The following PTPRK variants were observed in gnomAD, a reference collection of about 807,000 sequenced individuals.
The protein encoded by PTPRK is receptor-type tyrosine-protein phosphatase kappa.
PTPRK carries 75 observed loss-of-function variants against 178.0 expected under a neutral mutation model. That is an observed-to-expected ratio of 0.42 (90% CI 0.35 to 0.51). PTPRK has a LOEUF of 0.51. PTPRK is among the 20% of genes least tolerant of loss of function. The pLI is 0.02. For synonymous variants in PTPRK, 637 were observed against 620.6 expected (o/e 1.03, Z -0.39); for missense variants, 1,441 against 1,797.8 (o/e 0.80, Z 3.59).
intron 21 of PTPRK, among the ~76,000 whole-genome samples, chr6:127,987,432 G>C (rs1408512016): frequency 3.3e-5 from 5 of 151,812 alleles, no homozygotes; most frequent in East Asian, 1.9e-4. Flanking sequence ...TATTAAATCA[G>C]GAACTATATC....
chr6:128,272,502 A>T (rs914753614), intron 3 of PTPRK, among the ~76,000 whole-genome samples: 6 of 152,236 alleles, frequency 3.9e-5, no homozygotes, highest in African/African-American at 1.4e-4. Context: ...GAACTTAAAC[A>T]AATTTACAAG....
At chr6:128,389,717 C>T (rs933365717) in intron 2 of PTPRK, among the ~76,000 whole-genome samples, 1 of 151,888 alleles carries the variant, frequency 6.6e-6, no homozygotes, top group Non-Finnish European at 1.5e-5. Context: ...TTCTCTAGCA[C>T]TGACACCTAT....
intron 2 of PTPRK, among the ~76,000 whole-genome samples, chr6:128,378,393 A>G (rs1437751806): frequency 1.3e-5 from 2 of 152,168 alleles, no homozygotes; most frequent in African/African-American, 2.4e-5. Flanking sequence ...AGAGATGTAC[A>G]TACAAACAAC....
At chr6:128,050,387 T>C (rs144828402) in intron 13 of PTPRK, among the ~76,000 whole-genome samples, 18 of 152,318 alleles carry the variant, frequency 1.2e-4, no homozygotes, top group Non-Finnish European at 2.1e-4. Context: ...AGAACAATTC[T>C]GGTTTTGAAT....
intron 1 of PTPRK, among the ~76,000 whole-genome samples, chr6:128,406,875 C>T (rs1007817248): frequency 6.6e-6 from 1 of 152,220 alleles, no homozygotes; most frequent in Non-Finnish European, 1.5e-5. Context: ...GCAAAAAGCA[C>T]TGCTTTGCAC....
chr6:128,123,560 A>G (rs928451654), intron 7 of PTPRK, among the ~76,000 whole-genome samples: 1 of 152,216 alleles, frequency 6.6e-6, no homozygotes, highest in East Asian at 1.9e-4. Flanking sequence ...AGCATTTTAC[A>G]TTAACATGGT....
chr6:128,371,083 C>T (rs1381986105), intron 2 of PTPRK, among the ~76,000 whole-genome samples: 1 of 152,076 alleles, frequency 6.6e-6, no homozygotes, highest in Admixed American at 6.6e-5. Flanking sequence ...CAGAGAAATA[C>T]TAGGATTTGT....
rs562123049 is a variant in PTPRK, at chr6:128,165,411, T to C, written c.1162+19021A>G. On this transcript the variant is annotated intron_variant, in intron 7 of 29. Transcript: ENST00000368226. ...CCAAAAGTTAATAATGTTTTCTTTT[T>C]GCATGAGAGAGGTTTTGGTTAATTT... Among the ~76,000 whole-genome samples, 181 of 151,504 alleles carry C rather than the reference T, an allele frequency of 1.2e-3. 1 individual carries two copies. The highest frequency in any genetic ancestry group is 4.6e-3 in the South Asian group (22 of 4,824).
chr6:128,177,413 C>A (rs918206461), intron 7 of PTPRK, among the ~76,000 whole-genome samples: 2 of 151,444 alleles, frequency 1.3e-5, no homozygotes, highest in Non-Finnish European at 3.0e-5. Flanking sequence ...TGTAGTTATG[C>A]AAAATTCAAT....
intron 1 of PTPRK, among the ~76,000 whole-genome samples, chr6:128,414,695 T>C (rs1028484511): frequency 6.6e-6 from 1 of 152,226 alleles, no homozygotes; most frequent in African/African-American, 2.4e-5. Flanking sequence ...GTACACAGAA[T>C]ATGTGAAACC....
Position 128,222,378 on chromosome 6 carries a change from T to G in PTPRK, c.694-3282A>C, listed in dbSNP as rs2128274181. 1.3e-5 allele frequency among the ~76,000 whole-genome samples: 2 copies of G among 152,346 alleles called. 1 individual carries two copies. Among genetic ancestry groups the G allele is most frequent in the South Asian group, 4.1e-4 (2 of 4,828 alleles). On this transcript the variant is annotated intron_variant, in intron 5 of 29. Transcript: ENST00000368226. ...CCTAACTTGAAGACAACTCTTCCAC[T>G]TTCCCACTCAATCACCTCTCAACTT...
intron 22 of PTPRK, 64 bp from the exon 23 acceptor site, chr6:127,983,441 G>C: frequency 6.5e-7 from 1 of 1,543,098 alleles, no homozygotes; most frequent in Non-Finnish European, 8.8e-7. Context: ...CTTAAATAAG[G>C]ACTTTTTCCA....
chr6:128,270,637 A>G (rs1343559643), intron 3 of PTPRK, among the ~76,000 whole-genome samples: 1 of 152,210 alleles, frequency 6.6e-6, no homozygotes, highest in Non-Finnish European at 1.5e-5. Context: ...AGATACTAGC[A>G]ATGTCAGAAA....
intron 3 of PTPRK, among the ~76,000 whole-genome samples, chr6:128,317,286 T>C (rs1828137158): frequency 6.6e-6 from 1 of 152,210 alleles, no homozygotes; most frequent in Non-Finnish European, 1.5e-5. Flanking sequence ...CAAATATTAA[T>C]ACAAGTAAAA....
intron 1 of PTPRK, among the ~76,000 whole-genome samples, chr6:128,493,342 C>T (rs997130320): frequency 6.6e-6 from 1 of 152,156 alleles, no homozygotes; most frequent in Non-Finnish European, 1.5e-5. Flanking sequence ...GTGGGCTGAT[C>T]ACGAGGTCAG....
intron 2 of PTPRK, among the ~76,000 whole-genome samples, chr6:128,358,381 A>C (rs1425492940): frequency 6.6e-6 from 1 of 152,188 alleles, no homozygotes; most frequent in African/African-American, 2.4e-5. Flanking sequence ...GGTTTGTGGC[A>C]GTTGAAGAGT....
chr6:128,291,792 T>G (rs946730877), intron 3 of PTPRK, among the ~76,000 whole-genome samples: 2 of 152,136 alleles, frequency 1.3e-5, no homozygotes, highest in African/African-American at 4.8e-5. Context: ...ATTCTCAATT[T>G]CTCTTGCTCT....
chr6:128,185,500 C>T (rs1300430100), intron 6 of PTPRK, among the ~76,000 whole-genome samples: 1 of 151,964 alleles, frequency 6.6e-6, no homozygotes, highest in Admixed American at 6.6e-5. Flanking sequence ...AAATGAGACA[C>T]CGAACTTTAT....
At chr6:128,301,168 G>A (rs947442598) in intron 3 of PTPRK, among the ~76,000 whole-genome samples, 6 of 152,040 alleles carry the variant, frequency 3.9e-5, no homozygotes, top group Non-Finnish European at 8.8e-5. Flanking sequence ...ATGGAGGGTG[G>A]ATATCACTAT....
Sources: allele counts gnomAD v4.1 joint callset (sites outside exome capture counted in the v4.1 genomes callset), GRCh38; gene constraint gnomAD v4.1.1; transcripts MANE v1.5; gene names NCBI Gene and HGNC (gene_info 2026-07-23, HGNC 2026-07-21).